The following TRUB2 variants were observed in gnomAD, a reference collection of about 807,000 sequenced individuals.
TRUB2 encodes TruB pseudouridine synthase family member 2, also known as pseudouridylate synthase TRUB2, mitochondrial.
A neutral mutation model predicts 31.9 loss-of-function variants in TRUB2; 31 were observed. That is an observed-to-expected ratio of 0.97 (90% CI 0.73 to 1.31). The LOEUF (loss-of-function observed/expected upper bound fraction) is 1.31. Ranked by LOEUF, TRUB2 falls within the 50% of genes most tolerant of loss-of-function variation. TRUB2 has a pLI of 0.00. For missense variants in TRUB2, 451 were observed against 439.6 expected, an observed-to-expected ratio of 1.03 and a Z score of -0.23; for synonymous variants, 201 against 182.6, an observed-to-expected ratio of 1.10 and a Z score of -0.81.
At chr9:128,315,790 G>A (rs928838355) in intron 3 of TRUB2, 162 bp from the exon 4 acceptor site, 29 of 709,470 alleles carry the variant, frequency 4.1e-5, no homozygotes, top group Admixed American at 1.6e-4. Context: ...ACCCCTCTGG[G>A]TATATATCAC....
At chr9:128,322,126 C>A (rs1339400097) in intron 1 of TRUB2, among the ~76,000 whole-genome samples, 174 bp downstream of exon 1, 1 of 152,144 alleles carries the variant, frequency 6.6e-6, no homozygotes. Context: ...TCAGTTTCCC[C>A]CTCGGAAAAC....
chr9:128,319,509 C>T (rs1215602508), intron 2 of TRUB2, among the ~76,000 whole-genome samples: 2 of 151,740 alleles, frequency 1.3e-5, no homozygotes, highest in Non-Finnish European at 2.9e-5. Context: ...TAGAATACTA[C>T]AGTTGTCCCT....
intron 5 of TRUB2, among the ~76,000 whole-genome samples, chr9:128,313,225 A>AAAAAG (rs1832004952): frequency 6.9e-6 from 1 of 144,882 alleles, no homozygotes. Flanking sequence ...TCAAAAAAAA[A>AAAAAG]AAAAGAAAAG....
rs550052579 is a variant in TRUB2 at position 128,307,631 on chromosome 9, T to G, written c.*1919A>C. ...CGGTAATCCCAGCAACTCTGGAGAC[T>G]AAGGCAGGAAGAATCGCTTGACCCA... On this transcript the variant is annotated 3_prime_UTR_variant, in exon 8 of 8. Coordinates refer to ENST00000372890, the MANE Select transcript of TRUB2 (RefSeq NM_015679.3). 3 of 152,028 alleles carry G rather than the reference T, an allele frequency of 2.0e-5. No individual in the cohort carries two copies. Among genetic ancestry groups the G allele is most frequent in the African/African-American group, 4.8e-5 (2 of 41,452 alleles). 9.4% of individuals were successfully genotyped at this position (152,028 alleles called of 1,614,324 possible).
chr9:128,318,972 A>C (rs1266044848), intron 2 of TRUB2, among the ~76,000 whole-genome samples: 1 of 152,018 alleles, frequency 6.6e-6, no homozygotes, highest in African/African-American at 2.4e-5. Flanking sequence ...ACTTGAGCCC[A>C]GGAGTTCAAT....
chr9:128,309,874 C>G lies in TRUB2; in HGVS notation c.672G>C (p.Glu224Asp). Residue 224 changes from glutamate (E) to aspartate (D), a missense_variant and splice_region_variant, in exon 8 of 8, where the codon GAG (glutamate) becomes GAC (aspartate). Glu to Asp is a conservative substitution (Grantham distance 45). Transcript: ENST00000372890. ...LYFAPPEFLL[E>D]VQCMHETQKE... Reference sequence around the variant, plus strand: ...TCTGCGTCTCATGCATGCACTGCACCTCTGCCAGGGACACACAATGACAGA... The same window carrying G: ...TCTGCGTCTCATGCATGCACTGCACGTCTGCCAGGGACACACAATGACAGA... 1 of 1,612,808 alleles carries G rather than the reference C, an allele frequency of 6.2e-7. No homozygotes were observed. The highest frequency in any genetic ancestry group is 2.2e-5 in the East Asian group (1 of 44,864).
In TRUB2 at chr9:128,315,087, G is replaced by A. The variant is rs76232665; in HGVS notation, c.378+480C>T. 3.7e-3 allele frequency among the ~76,000 whole-genome samples: 566 copies of A among 152,172 alleles called. 18 individuals carry two copies. In the East Asian group the frequency reaches 0.085, roughly 23 times the overall value. ...TTGTGGTATCAGACTCCATAGCCCC[G>A]ACCCCACCTCTGGATGGTAAGCTCC... On this transcript the variant is annotated intron_variant, in intron 4 of 7. Coordinates refer to ENST00000372890, the MANE Select transcript of TRUB2 (RefSeq NM_015679.3).
rs762738903 is a variant in TRUB2, at chr9:128,309,584, G to C, written c.962C>G (p.Ser321Cys). The C allele has an allele frequency of 5.0e-5, 81 of 1,613,084 alleles. No individual in the cohort carries two copies. Among genetic ancestry groups the C allele is most frequent in the Non-Finnish European group, 6.5e-5 (77 of 1,179,398 alleles). ...GWSWDSQGPSSTLGLERGAGQ is the reference protein window; with the variant it reads ...GWSWDSQGPSCTLGLERGAGQ ...CGCACCCCTCTCCAGCCCCAAGGTA[G>C]AGCTCGGGCCCTGGGAGTCCCAGGA... The change falls in exon 8 of 8, where the codon TCT (serine) becomes TGT (cysteine). Residue 321 changes from serine to cysteine, a missense_variant. Physicochemically the swap from Ser to Cys is moderately radical, Grantham distance 112. Transcript: ENST00000372890.
rs1355591257 is a variant in TRUB2 at position 128,307,941 on chromosome 9, C to T, written c.*1609G>A. 3 of 147,322 alleles carry T rather than the reference C, an allele frequency of 2.0e-5. No homozygotes were observed. Among genetic ancestry groups the T allele is most frequent in the Non-Finnish European group, 3.0e-5 (2 of 66,526 alleles). The allele number at this position is 147,322 out of a possible 1,614,324, so 9.1% of individuals were successfully genotyped here. A position where few individuals can be genotyped will look rare whatever the true frequency, so the allele number is the denominator to read the frequency against. On this transcript the variant is annotated 3_prime_UTR_variant, in exon 8 of 8. Coordinates refer to ENST00000372890, the MANE Select transcript of TRUB2 (RefSeq NM_015679.3). ...GCCGGGTGTGGTGGCTCATGCCTGC[C>T]ATCCCAGTGCTTTGGGAGGCAGAGG...
Position 128,310,910 on chromosome 9 carries a change from A to T in TRUB2, c.647T>A (p.Phe216Tyr), listed in dbSNP as rs368771145. 16 of 1,614,020 alleles carry T rather than the reference A, an allele frequency of 9.9e-6. No homozygotes were observed. The highest frequency in any genetic ancestry group is 1.4e-5 in the Non-Finnish European group (16 of 1,180,022). ...MLITGIRCLY[F>Y]APPEFLLEVQ... ...ACCTAAGAGGAATTCCGGAGGTGCA[A>T]AGTAGAGGCATCGGATGCCAGTTAT... The change falls in exon 7 of 8, where the codon TTT becomes TAT. Residue 216 changes from phenylalanine to tyrosine, a missense_variant. By Grantham distance (22) the Phe-to-Tyr change is conservative. Transcript: ENST00000372890.
intron 2 of TRUB2, among the ~76,000 whole-genome samples, chr9:128,320,560 G>A (rs554666340): frequency 4.3e-4 from 66 of 152,044 alleles, no homozygotes; most frequent in Non-Finnish European, 7.6e-4. Context: ...TCGAACTCCC[G>A]ACCTCAGGTG....
rs998561143 is a variant in TRUB2, at chr9:128,313,745, G to A, written c.460+63C>T. The A allele has an allele frequency of 4.3e-5, 64 of 1,474,398 alleles. No individual in the cohort carries two copies. The East Asian group carries it at 9.5e-4, about 22-fold the overall frequency. 91.3% of individuals were successfully genotyped at this position (1,474,398 alleles called of 1,614,324 possible). The stretch of plus-strand genomic sequence containing the variant: ...AGAAGGGGCCAGCGTGGCCTAGGGC[G>A]GGGAGAGGACTCAGGGAAAGCAAAT... On this transcript the variant is annotated intron_variant, in intron 5 of 7. Transcript: ENST00000372890.
chr9:128,313,652 G>C (rs557087506), intron 5 of TRUB2, among the ~76,000 whole-genome samples, 156 bp downstream of exon 5: 3 of 152,304 alleles, frequency 2.0e-5, no homozygotes, highest in South Asian at 2.1e-4. Context: ...GGGGAGTAGA[G>C]GATGCTCCTG....
intron 6 of TRUB2, 164 bp downstream of exon 6, chr9:128,311,365 G>A: frequency 1.5e-5 from 11 of 757,014 alleles, no homozygotes; most frequent in Non-Finnish European, 2.2e-5. Flanking sequence ...CCCAAGACCT[G>A]GCACACAGAA....
At chr9:128,311,646 A>G (rs1407855852) in intron 5 of TRUB2, 45 bp from the exon 6 acceptor site, 5 of 1,599,898 alleles carry the variant, frequency 3.1e-6, no homozygotes, top group Non-Finnish European at 4.3e-6. Context: ...CCTGCTGAGT[A>G]TTGGTCACAG....
At position 128,321,660 on chromosome 9, in the gene TRUB2, G is replaced by C; in HGVS notation, c.180C>G (p.Ser60Arg). 6.2e-7 allele frequency: 1 copy of C among 1,613,958 alleles called. No individual in the cohort carries two copies. Among genetic ancestry groups the C allele is most frequent in the Non-Finnish European group, 8.5e-7 (1 of 1,180,014 alleles). The part of the protein sequence containing the change: ...VRFLLGPMEG[S>R]EEKELTLTAT... ...CTGTGAGGGTCAGCTCCTTCTCTTC[G>C]CTGCCTTCCATGGGGCCCAGCAAGA... Residue 60 changes from serine (S) to arginine (R), a missense_variant, in exon 2 of 8, where the codon AGC (serine) becomes AGG (arginine). Coordinates refer to ENST00000372890, the MANE Select transcript of TRUB2 (RefSeq NM_015679.3).
At chr9:128,311,654 C>T in intron 5 of TRUB2, 53 bp from the exon 6 acceptor site, 1 of 1,589,934 alleles carries the variant, frequency 6.3e-7, no homozygotes, top group Non-Finnish European at 8.6e-7. Flanking sequence ...GTATTGGTCA[C>T]AGCAAACTCC....
At chr9:128,322,150 G>A (rs1415872350) in intron 1 of TRUB2, 150 bp downstream of exon 1, 1 of 636,400 alleles carries the variant, frequency 1.6e-6, no homozygotes, top group Non-Finnish European at 2.8e-6. Flanking sequence ...GGAAAGTGAG[G>A]AGTAAGAAAG....
At chr9:128,319,644 T>C (rs1370715060) in intron 2 of TRUB2, among the ~76,000 whole-genome samples, 1 of 151,514 alleles carries the variant, frequency 6.6e-6, no homozygotes, top group South Asian at 2.1e-4. Context: ...ATATACCTTT[T>C]TTTTTTTTTT....
Sources: allele counts gnomAD v4.1 joint callset (sites outside exome capture counted in the v4.1 genomes callset), GRCh38; gene constraint gnomAD v4.1.1; transcripts MANE v1.5; gene names NCBI Gene and HGNC (gene_info 2026-07-23, HGNC 2026-07-21).